CSNK2A1: variants seen among roughly 807,000 people sequenced by gnomAD.
CSNK2A1 encodes casein kinase II subunit alpha.
In CSNK2A1, 10 loss-of-function variants were observed where a neutral mutation model predicts 62.9. The ratio of observed to expected loss-of-function variants is 0.16; its 90% confidence interval spans 0.10 to 0.27. The LOEUF (loss-of-function observed/expected upper bound fraction) is 0.27. Among genes scored for constraint, CSNK2A1 ranks in the 10% least tolerant of loss-of-function variants. The probability of loss-of-function intolerance (pLI) is 1.00; values close to 1 mark genes in which losing one functional copy is unlikely to be tolerated. For synonymous variants in CSNK2A1, 124 were observed against 167.8 expected (o/e 0.74, Z 2.02); for missense variants, 160 against 492.0 (o/e 0.33, Z 6.38).
At chr20:530,607 G>A (rs2019192918) in intron 1 of CSNK2A1, among the ~76,000 whole-genome samples, 1 of 151,768 alleles carries the variant, frequency 6.6e-6, no homozygotes, top group Admixed American at 6.6e-5. Context: ...CCAAGTAGCT[G>A]GGACTATGGG....
At chr20:533,144 A>G (rs1405763946) in intron 1 of CSNK2A1, among the ~76,000 whole-genome samples, 3 of 152,226 alleles carry the variant, frequency 2.0e-5, no homozygotes, top group Non-Finnish European at 4.4e-5. Flanking sequence ...AAAAATATCT[A>G]GCAACTAACT....
chr20:479,944 A>G lies in CSNK2A1; in HGVS notation c.*4017T>C, dbSNP rs1323330766. 6.6e-6 allele frequency: 1 copy of G among 152,214 alleles called. No individual in the cohort carries two copies. Among genetic ancestry groups the G allele is most frequent in the African/African-American group, 2.4e-5 (1 of 41,444 alleles). The allele number at this position is 152,214 out of a possible 1,614,324, so 9.4% of individuals were successfully genotyped here. ...CCGCAAATATTCCAAAAATCCAAAA[A>G]AATTCAAAACACTTCTGGTCCCAAC... On this transcript the variant is annotated 3_prime_UTR_variant, in exon 14 of 14. Transcript: ENST00000217244.
intron 4 of CSNK2A1, chr20:502,001 G>A (rs2018482068): frequency 6.6e-6 from 1 of 152,186 alleles, no homozygotes; most frequent in South Asian, 2.1e-4. Flanking sequence ...CAGAAAGCAA[G>A]CAGATTTTGG....
chr20:527,673 T>C (rs1365135455), intron 2 of CSNK2A1, among the ~76,000 whole-genome samples: 1 of 152,160 alleles, frequency 6.6e-6, no homozygotes, highest in East Asian at 1.9e-4. Context: ...ACCTCTCTCC[T>C]CAGATTATGA....
At chr20:504,956 C>T (rs1435764165) in intron 4 of CSNK2A1, 162 bp downstream of exon 4, 1 of 608,772 alleles carries the variant, frequency 1.6e-6, no homozygotes, top group Non-Finnish European at 2.8e-6. Flanking sequence ...CCCGATCTGT[C>T]AAATAAGCAG....
chr20:516,827 CTAA>C (rs1219621512), intron 2 of CSNK2A1, among the ~76,000 whole-genome samples: 1 of 151,998 alleles, frequency 6.6e-6, no homozygotes, highest in Non-Finnish European at 1.5e-5. Context: ...CTTTTTAACC[CTAA>C]TGTTTATTAG....
rs573370751 is a variant in CSNK2A1, at chr20:484,694, T to TG, written c.1061-619_1061-618insC. The stretch of plus-strand genomic sequence containing the variant: ...TTCTTCCACCTCTCTAATCATGTTT[T>TG]TGTGTGTGTGTGTGTGTGTGTGTGT... On this transcript the variant is annotated intron_variant, in intron 13 of 13. Coordinates refer to ENST00000217244, the MANE Select transcript of CSNK2A1 (RefSeq NM_177559.3). Among the ~76,000 whole-genome samples the TG allele has an allele frequency of 4.8e-4, 71 of 147,712 alleles. 1 individual carries two copies. Among genetic ancestry groups the TG allele is most frequent in the South Asian group, 2.4e-3 (11 of 4,658 alleles).
At chr20:525,984 G>A (rs981470097) in intron 2 of CSNK2A1, among the ~76,000 whole-genome samples, 14 of 152,032 alleles carry the variant, frequency 9.2e-5, no homozygotes, top group East Asian at 1.9e-4. Context: ...TAGCCTGGGC[G>A]ACATAGCAAG....
intron 7 of CSNK2A1, 53 bp downstream of exon 7, chr20:497,668 T>C (rs1225343740): frequency 6.8e-7 from 1 of 1,463,264 alleles, no homozygotes; most frequent in Non-Finnish European, 9.5e-7. Flanking sequence ...AATTGACTAT[T>C]TAACAAAAAG....
At chr20:508,186 G>T (rs1365574883) in intron 3 of CSNK2A1, 1 of 340,686 alleles carries the variant, frequency 2.9e-6, no homozygotes, top group Non-Finnish European at 5.4e-6. Flanking sequence ...GTTATGTGGT[G>T]CACGACTGCA....
At chr20:525,836 TAAAAAAAA>T (rs397864425) in intron 2 of CSNK2A1, among the ~76,000 whole-genome samples, 3 of 71,042 alleles carry the variant, frequency 4.2e-5, no homozygotes, top group African/African-American at 5.3e-5. Flanking sequence ...TTAAAACTAT[TAAAAAAAA>T]AAAAAAAAAA....
At chr20:517,486 G>C (rs1346776116) in intron 2 of CSNK2A1, among the ~76,000 whole-genome samples, 1 of 152,152 alleles carries the variant, frequency 6.6e-6, no homozygotes, top group African/African-American at 2.4e-5. Context: ...AGTGATCAGT[G>C]CTTGAAACAA....
At chr20:517,178 TTC>T (rs1568543933) in intron 2 of CSNK2A1, among the ~76,000 whole-genome samples, 1 of 152,162 alleles carries the variant, frequency 6.6e-6, no homozygotes, top group Non-Finnish European at 1.5e-5. Context: ...AAGAGAAAAA[TTC>T]AGTCAAACTT....
Position 475,292 on chromosome 20 carries a change from T to A in CSNK2A1, c.*8669A>T, listed in dbSNP as rs1010728405. 2 of 152,102 alleles carry A rather than the reference T, an allele frequency of 1.3e-5. No homozygotes were observed. The highest frequency in any genetic ancestry group is 4.8e-5 in the African/African-American group (2 of 41,390). The allele number at this position is 152,102 out of a possible 1,614,324, so 9.4% of individuals were successfully genotyped here. A position where few individuals can be genotyped will look rare whatever the true frequency, so the allele number is the denominator to read the frequency against. ...TGGCCAACATGGTGAAACCCTGTTG[T>A]TTTGTAAAAATACAAAAACTATCTG... On this transcript the variant is annotated 3_prime_UTR_variant, in exon 14 of 14. Transcript: ENST00000217244.
At chr20:510,582 G>A (rs1034218656) in intron 2 of CSNK2A1, among the ~76,000 whole-genome samples, 1 of 152,106 alleles carries the variant, frequency 6.6e-6, no homozygotes, top group African/African-American at 2.4e-5. Context: ...GTGCCCACAC[G>A]TTTACATGTG....
intron 2 of CSNK2A1, among the ~76,000 whole-genome samples, chr20:515,077 A>T (rs1024709471): frequency 6.6e-6 from 1 of 152,162 alleles, no homozygotes; most frequent in African/African-American, 2.4e-5. Flanking sequence ...TGTTTTTAAA[A>T]TTTTTACTCT....
chr20:529,536 T>C (rs781360451), intron 1 of CSNK2A1, among the ~76,000 whole-genome samples: 2 of 152,164 alleles, frequency 1.3e-5, no homozygotes, highest in Non-Finnish European at 2.9e-5. Context: ...TGCCCCAAAG[T>C]GCAAGAGTAG....
At chr20:487,293 T>C (rs2018120890) in intron 12 of CSNK2A1, 134 bp downstream of exon 12, 1 of 1,244,470 alleles carries the variant, frequency 8.0e-7, no homozygotes, top group Non-Finnish European at 1.1e-6. Context: ...GCCATCACTA[T>C]CCCCACTGGA....
chr20:523,918 A>G (rs1378806094), intron 2 of CSNK2A1, among the ~76,000 whole-genome samples: 1 of 150,184 alleles, frequency 6.7e-6, no homozygotes, highest in East Asian at 1.9e-4. Context: ...GTTGCTAGAG[A>G]TTAGGGGTGG....
Sources: allele counts gnomAD v4.1 joint callset (sites outside exome capture counted in the v4.1 genomes callset), GRCh38; gene constraint gnomAD v4.1.1; transcripts MANE v1.5; gene names NCBI Gene and HGNC (gene_info 2026-07-23, HGNC 2026-07-21).